GNE: variants seen among roughly 807,000 people sequenced by gnomAD.
GNE encodes the protein glucosamine (UDP-N-acetyl)-2-epimerase/N-acetylmannosamine kinase.
Under a neutral mutation model 61.8 loss-of-function variants are expected in GNE, and 41 were observed. The observed-to-expected ratio is 0.66, with a 90% CI of 0.52 to 0.86. The LOEUF (loss-of-function observed/expected upper bound fraction) is 0.86. Ranked by LOEUF, GNE falls within the 40% of genes least tolerant of loss-of-function variation. The pLI is 0.00. For synonymous variants in GNE, 264 were observed against 326.4 expected (o/e 0.81, Z 2.06); for missense variants, 608 against 909.1 (o/e 0.67, Z 4.26).
At chr9:36,262,478 C>T (rs940477399), upstream of GNE, among the ~76,000 whole-genome samples, 1 of 152,036 alleles carries the variant, frequency 6.6e-6, no homozygotes, top group Non-Finnish European at 1.5e-5. Context: ...TGTTACTTTA[C>T]TGTTTAACAT....
At position 36,222,863 on chromosome 9, in the gene GNE, TTGTC is replaced by T; in HGVS notation, c.1543_1546del (p.Asp515MetfsTer41). On this transcript the variant is annotated frameshift_variant, in exon 9 of 12. Transcript: ENST00000642385. LOFTEE classifies it high-confidence loss of function. Reference sequence around the variant, plus strand: ...CGCCAGGGCAGCACAGTTGCCATCATTGTCTACCCACACAGGGAGATGCAAAGTG... The same window carrying T: ...CGCCAGGGCAGCACAGTTGCCATCATTACCCACACAGGGAGATGCAAAGTG... 1 of 1,614,204 alleles carries T rather than the reference TTGTC, an allele frequency of 6.2e-7. No homozygotes were observed. The highest frequency in any genetic ancestry group is 8.5e-7 in the Non-Finnish European group (1 of 1,180,016).
intron 10 of GNE, 98 bp downstream of exon 10, chr9:36,219,740 A>G: frequency 2.7e-6 from 3 of 1,095,480 alleles, no homozygotes. Flanking sequence ...GAAAAGGGGG[A>G]AACTTCTGGC....
chr9:36,249,745 G>A (rs147972354), intron 1 of GNE, among the ~76,000 whole-genome samples: 9,729 of 152,012 alleles, frequency 0.064, 346 homozygotes, highest in Non-Finnish European at 0.083. Context: ...TTAGCTGGGC[G>A]TGGTGGCGGG....
chr9:36,272,154 A>G (rs1284844464), intron 1 of GNE, among the ~76,000 whole-genome samples: 3 of 152,224 alleles, frequency 2.0e-5, no homozygotes, highest in African/African-American at 7.2e-5. Context: ...TGGCGGTCTT[A>G]TGAGATAGAT....
intron 1 of GNE, among the ~76,000 whole-genome samples, chr9:36,266,634 G>A (rs1488619501): frequency 6.6e-6 from 1 of 152,200 alleles, no homozygotes; most frequent in African/African-American, 2.4e-5. Flanking sequence ...ATTAGGCTGG[G>A]TGCGGTGGCT....
chr9:36,234,513 T>G (rs1310109275), intron 4 of GNE, among the ~76,000 whole-genome samples: 1 of 152,084 alleles, frequency 6.6e-6, no homozygotes, highest in African/African-American at 2.4e-5. Context: ...ACCAAGCTGA[T>G]GAGAGAGCCT....
chr9:36,218,131 T>C lies in GNE; in HGVS notation c.1933+52A>G. On this transcript the variant is annotated intron_variant, in intron 11 of 11. Transcript: ENST00000642385. The surrounding 1 kb of genome is among the most constrained non-coding windows in gnomAD (Gnocchi z 4.1). ...TCTTCTGGGGCCGGGCTGGGCCATA[T>C]GATATCTGAGGCCACCCCCTGCAGC... The C allele has an allele frequency of 8.2e-7, 1 of 1,216,462 alleles. No homozygotes were observed. The allele number at this position is 1,216,462 out of a possible 1,614,324, so 75.4% of individuals were successfully genotyped here. A position where few individuals can be genotyped will look rare whatever the true frequency, so the allele number is the denominator to read the frequency against.
intron 2 of GNE, 25 bp from the exon 3 acceptor site, chr9:36,246,507 A>G (rs1326673859): frequency 2.6e-6 from 4 of 1,553,960 alleles, no homozygotes; most frequent in East Asian, 2.2e-5. Flanking sequence ...AAATAAAGAT[A>G]TAAGAACATG....
rs1327476681 is a variant in GNE at position 36,258,363 on chromosome 9, CTCGGGCGAG to C, written c.-94_-86del. On this transcript the variant is annotated 5_prime_UTR_variant, in exon 1 of 12. Transcript: ENST00000642385. ...TCCCTCCCACGCCGCCACCGCGCTCCTCGGGCGAGGGACGAACCAAGCGCCACGAAGCAG... is the reference window on the plus strand; with the variant it reads ...TCCCTCCCACGCCGCCACCGCGCTCCGGACGAACCAAGCGCCACGAAGCAG... 1 of 985,454 alleles carries C rather than the reference CTCGGGCGAG, an allele frequency of 1.0e-6. No homozygotes were observed. Among genetic ancestry groups the C allele is most frequent in the African/African-American group, 1.7e-5 (1 of 57,256 alleles). 61.0% of individuals were successfully genotyped at this position (985,454 alleles called of 1,614,324 possible).
Position 36,219,947 on chromosome 9 carries a change from G to A in GNE, c.1707C>T (p.His569=). ...CAGGCCCATCCAGAGACACAACAAG[G>A]TGGCCCAGTTCTGCAGCACAGAAGG... ...GSSFCAAELG[H]LVVSLDGPDC... is the part of the protein sequence containing the mutation. The change falls in exon 10 of 12, where the codon CAC becomes CAT. Residue 569 remains histidine (H), a synonymous_variant. Coordinates refer to ENST00000642385, the MANE Select transcript of GNE (RefSeq NM_005476.7). The A allele has an allele frequency of 6.2e-7, 1 of 1,614,102 alleles. No individual in the cohort carries two copies. Among genetic ancestry groups the A allele is most frequent in the Non-Finnish European group, 8.5e-7 (1 of 1,179,986 alleles).
At chr9:36,270,856 C>T (rs535517325) in intron 1 of GNE, among the ~76,000 whole-genome samples, 3 of 152,090 alleles carry the variant, frequency 2.0e-5, no homozygotes, top group Non-Finnish European at 4.4e-5. Flanking sequence ...TTGAGTCCAG[C>T]CTGGGCAACA....
At chr9:36,231,899 T>A (rs1424698213) in intron 5 of GNE, among the ~76,000 whole-genome samples, 1 of 152,176 alleles carries the variant, frequency 6.6e-6, no homozygotes, top group East Asian at 1.9e-4. Flanking sequence ...CATCTCAAAC[T>A]TCACATAGCT....
intron 1 of GNE, among the ~76,000 whole-genome samples, chr9:36,273,869 C>T (rs1037134962): frequency 2.6e-5 from 4 of 151,746 alleles, no homozygotes; most frequent in East Asian, 1.9e-4. Context: ...GAACTCCTGA[C>T]GTCGATCCAC....
chr9:36,254,873 A>T (rs915883851), intron 1 of GNE, among the ~76,000 whole-genome samples: 1 of 151,062 alleles, frequency 6.6e-6, no homozygotes, highest in African/African-American at 2.4e-5. Context: ...AATCACTTGA[A>T]CCCGGGAGGC....
At chr9:36,268,199 T>TG (rs2133191808) in intron 1 of GNE, among the ~76,000 whole-genome samples, 1 of 152,086 alleles carries the variant, frequency 6.6e-6, no homozygotes, top group East Asian at 1.9e-4. Context: ...GCTTGGGAAA[T>TG]GAAGTGAGTC....
At chr9:36,253,642 A>T (rs1010557043) in intron 1 of GNE, among the ~76,000 whole-genome samples, 1 of 152,166 alleles carries the variant, frequency 6.6e-6, no homozygotes, top group Non-Finnish European at 1.5e-5. Context: ...ACATTTAAAG[A>T]TATTGGAAAT....
In GNE at chr9:36,217,448, C is replaced by A. The variant is rs121908627; in HGVS notation, c.2086G>T (p.Val696Leu). 1.4e-3 allele frequency: 2,187 copies of A among 1,614,204 alleles called. 9 individuals carry two copies. Among genetic ancestry groups the A allele is most frequent in the Non-Finnish European group, 1.6e-3 (1,918 of 1,180,036 alleles). ...QALSSVQDVD[V>L]VVSDLVDPAL... The stretch of plus-strand genomic sequence containing the variant: ...GGGTCAACCAAATCCGAAACCACCA[C>A]ATCCACGTCCTGCACGGAGGACAAG... The change falls in exon 12 of 12, where the codon GTG becomes TTG. Residue 696 changes from valine to leucine, a missense_variant. Transcript: ENST00000642385.
chr9:36,238,123 T>TACACACACACAC (rs201513947), intron 3 of GNE, among the ~76,000 whole-genome samples: 2 of 128,986 alleles, frequency 1.6e-5, no homozygotes, highest in East Asian at 4.1e-4. Context: ...TATATATAGA[T>TACACACACACAC]ACACACACAC....
chr9:36,243,496 CA>C (rs1263087204), intron 3 of GNE, among the ~76,000 whole-genome samples: 5 of 152,112 alleles, frequency 3.3e-5, no homozygotes, highest in Admixed American at 6.6e-5. Flanking sequence ...GTTGTTCCAC[CA>C]GCATTATCTA....
Sources: allele counts gnomAD v4.1 joint callset (sites outside exome capture counted in the v4.1 genomes callset), GRCh38; gene constraint gnomAD v4.1.1; non-coding constraint Gnocchi (gnomAD v3.1); transcripts MANE v1.5; gene names NCBI Gene and HGNC (gene_info 2026-07-23, HGNC 2026-07-21).